The following MCC variants were observed in gnomAD, a reference collection of about 807,000 sequenced individuals.
MCC encodes colorectal mutant cancer protein.
Under a neutral mutation model 116.2 loss-of-function variants are expected in MCC, and 90 were observed. The observed-to-expected ratio is 0.77, with a 90% CI of 0.65 to 0.92. MCC has a LOEUF of 0.92. MCC is among the 40% of genes least tolerant of loss of function. MCC has a pLI of 0.00. For synonymous variants in MCC, 578 were observed against 510.5 expected (o/e 1.13, Z -1.78); for missense variants, 1,516 against 1,312.2 (o/e 1.16, Z -2.40).
intron 3 of MCC, among the ~76,000 whole-genome samples, chr5:113,265,300 CTGTT>C (rs1455243410): frequency 6.6e-6 from 1 of 152,148 alleles, no homozygotes; most frequent in African/African-American, 2.4e-5. Context: ...AAGCAACATT[CTGTT>C]TGTTTTATCC....
At chr5:113,184,901 C>A (rs1045344871) in intron 3 of MCC, among the ~76,000 whole-genome samples, 2 of 152,204 alleles carry the variant, frequency 1.3e-5, no homozygotes, top group Admixed American at 1.3e-4. Flanking sequence ...ATGACACACA[C>A]TGTGCAGTGG....
At position 113,127,750 on chromosome 5, in the gene MCC, T is replaced by C. The variant is rs1413992991; in HGVS notation, c.885-4924A>G. ...CTTATAGATGCTGGAAAGACCTTTG[T>C]TTGATGCATAGTTTGCAAATATTTT... On this transcript the variant is annotated intron_variant, in intron 5 of 18. Transcript: ENST00000408903. Among the ~76,000 whole-genome samples, 3 of 152,246 alleles carry C rather than the reference T, an allele frequency of 2.0e-5. No individual in the cohort carries two copies. In the East Asian group the frequency reaches 5.8e-4, roughly 29 times the overall value.
At chr5:113,047,690 A>G (rs1252925689) in intron 16 of MCC, among the ~76,000 whole-genome samples, 1 of 152,210 alleles carries the variant, frequency 6.6e-6, no homozygotes, top group Non-Finnish European at 1.5e-5. Context: ...GCTTGCATTT[A>G]TTAAGAACAG....
intron 8 of MCC, among the ~76,000 whole-genome samples, chr5:113,096,249 T>C (rs1756008760): frequency 6.6e-6 from 1 of 152,224 alleles, no homozygotes; most frequent in Admixed American, 6.5e-5. Flanking sequence ...TTGGAGAAGC[T>C]CTTGGCCCAT....
intron 1 of MCC, among the ~76,000 whole-genome samples, chr5:113,421,280 C>T (rs1013335119): frequency 6.6e-6 from 1 of 152,094 alleles, no homozygotes; most frequent in African/African-American, 2.4e-5. Flanking sequence ...CCCGCCTGGA[C>T]TCCCAAAGTG....
Position 113,340,582 on chromosome 5 carries a change from C to T in MCC, c.564G>A (p.Leu188=). 6.2e-7 allele frequency: 1 copy of T among 1,614,132 alleles called. No individual in the cohort carries two copies. The highest frequency in any genetic ancestry group is 8.5e-7 in the Non-Finnish European group (1 of 1,180,018). ...TGCCAATGTGCGGGGACTGTGTGAG[C>T]AGTTTGTGGAGAGCAGCCTGCTGAT... ...SLHQQAALHK[L]LTQSPHIGNS... The change falls in exon 3 of 19, where the codon CTG becomes CTA. Residue 188 remains leucine, a synonymous_variant. Coordinates refer to ENST00000408903, the MANE Select transcript of MCC (RefSeq NM_001085377.2).
At chr5:113,106,947 A>T (rs1330340731) in intron 6 of MCC, among the ~76,000 whole-genome samples, 2 of 152,136 alleles carry the variant, frequency 1.3e-5, no homozygotes, top group Non-Finnish European at 2.9e-5. Flanking sequence ...CTCCTCCCTT[A>T]CCCATTCCCT....
chr5:113,131,806 G>C (rs1464278571), intron 5 of MCC, among the ~76,000 whole-genome samples: 1 of 152,174 alleles, frequency 6.6e-6, no homozygotes, highest in African/African-American at 2.4e-5. Flanking sequence ...CAGCTGGTAA[G>C]AGAATCTGAG....
rs890858998 is a variant in MCC, at chr5:113,068,106, C to T, written c.2003G>A (p.Arg668Gln). ...AGGGGAGGACCCCACGCCCGCCGCT[C>T]GGAACTGCCCCAGGATGAGGCTCTG... ...SEQSLILGQF[R>Q]AAGVGSSPGD... The change falls in exon 13 of 19, where the codon CGA becomes CAA. Residue 668 changes from arginine to glutamine, a missense_variant. By Grantham distance (43) the Arg-to-Gln change is conservative. Transcript: ENST00000408903. 9 of 1,614,064 alleles carry T rather than the reference C, an allele frequency of 5.6e-6. No homozygotes were observed. The highest frequency in any genetic ancestry group is 4.0e-5 in the African/African-American group (3 of 74,932).
chr5:113,294,212 C>G, intron 3 of MCC: 1 of 1,302,424 alleles, frequency 7.7e-7, no homozygotes, highest in South Asian at 1.5e-5. Context: ...TGCGCTGCCT[C>G]CAGACTGGGA....
chr5:113,422,463 T>G (rs897814177), intron 1 of MCC, among the ~76,000 whole-genome samples: 13 of 152,258 alleles, frequency 8.5e-5, no homozygotes, highest in Admixed American at 3.3e-4. Context: ...CTTTATGATT[T>G]AGTTTTTAAC....
At chr5:113,032,968 T>C (rs758310989) in intron 17 of MCC, among the ~76,000 whole-genome samples, 3 of 152,248 alleles carry the variant, frequency 2.0e-5, no homozygotes, top group Non-Finnish European at 2.9e-5. Context: ...TTGTTTAGCA[T>C]ATTATCAAGA....
At chr5:113,170,289 C>G (rs1204827846) in intron 3 of MCC, among the ~76,000 whole-genome samples, 1 of 152,156 alleles carries the variant, frequency 6.6e-6, no homozygotes, top group Non-Finnish European at 1.5e-5. Flanking sequence ...ACTTTTTTGT[C>G]CTTTTCTTCA....
chr5:113,193,260 AG>A (rs763982025), intron 3 of MCC, among the ~76,000 whole-genome samples: 4 of 151,934 alleles, frequency 2.6e-5, no homozygotes, highest in Non-Finnish European at 5.9e-5. Context: ...ACAGGATAAC[AG>A]CCTCATCTCA....
chr5:113,144,653 T>C (rs560194969), intron 4 of MCC, among the ~76,000 whole-genome samples: 5 of 152,322 alleles, frequency 3.3e-5, no homozygotes, highest in African/African-American at 1.2e-4. Context: ...CAAAGAAGTC[T>C]GACAAATAAT....
rs1475920302 is a variant in MCC at position 113,035,157 on chromosome 5, G to T, written c.2757-6101C>A. Among the ~76,000 whole-genome samples the T allele has an allele frequency of 3.3e-5, 5 of 152,148 alleles. No individual in the cohort carries two copies. In the East Asian group the frequency reaches 9.6e-4, roughly 29 times the overall value. On this transcript the variant is annotated intron_variant, in intron 17 of 18. Transcript: ENST00000408903. ...AACAGCCACTCTCTCTCCTGTGTTG[G>T]CTAATGGCACCACCTTTCAGCCAGT...
intron 6 of MCC, among the ~76,000 whole-genome samples, chr5:113,118,084 C>G (rs1342450192): frequency 6.6e-6 from 1 of 152,212 alleles, no homozygotes; most frequent in Non-Finnish European, 1.5e-5. Context: ...GTGACTTACC[C>G]TCTCCAAACT....
intron 5 of MCC, among the ~76,000 whole-genome samples, chr5:113,136,627 T>G (rs1003702165): frequency 1.3e-5 from 2 of 152,204 alleles, no homozygotes; most frequent in East Asian, 3.8e-4. Context: ...TAAATGGAAT[T>G]GACTTATTTG....
At chr5:113,478,060 G>A (rs755819702) in intron 1 of MCC, among the ~76,000 whole-genome samples, 2 of 152,078 alleles carry the variant, frequency 1.3e-5, no homozygotes, top group African/African-American at 4.8e-5. Flanking sequence ...AATACAGTAC[G>A]AATACAATAT....
Sources: allele counts gnomAD v4.1 joint callset (sites outside exome capture counted in the v4.1 genomes callset), GRCh38; gene constraint gnomAD v4.1.1; transcripts MANE v1.5; gene names NCBI Gene and HGNC (gene_info 2026-07-23, HGNC 2026-07-21).